Variants in FCRL5 observed in about 807,000 individuals in gnomAD.
The protein encoded by FCRL5 is Fc receptor-like protein 5.
Under a neutral mutation model 92.1 loss-of-function variants are expected in FCRL5, and 79 were observed. The observed-to-expected ratio is 0.86, with a 90% confidence interval of 0.72 to 1.03. FCRL5 has a LOEUF of 1.03. Ranked by LOEUF, FCRL5 falls within the 50% of genes least tolerant of loss-of-function variation. The probability of loss-of-function intolerance (pLI) is 0.00; values close to 1 mark genes in which losing one functional copy is unlikely to be tolerated. For missense variants in FCRL5, 1,160 were observed against 1,181.1 expected (o/e 0.98, Z 0.26); for synonymous variants, 466 against 469.3 (o/e 0.99, Z 0.09).
chr1:157,544,901 T>C lies in FCRL5; in HGVS notation c.489A>G (p.Ala163=), dbSNP rs1343366659. Residue 163 remains alanine (A), a synonymous_variant, in exon 4 of 17, where the codon GCA becomes GCG. Coordinates refer to ENST00000361835, the MANE Select transcript of FCRL5 (RefSeq NM_031281.3). Reference sequence around the variant, plus strand: ...TTTCCTTATATCCAGTACAGCGATATGCACCATTGTCCTTGAGACATGCAT... The same window carrying C: ...TTTCCTTATATCCAGTACAGCGATACGCACCATTGTCCTTGAGACATGCAT... The part of the protein sequence containing the change: ...IPHACLKDNG[A]YRCTGYKESC... The C allele has an allele frequency of 2.5e-6, 4 of 1,614,194 alleles. No individual in the cohort carries two copies. In the South Asian group the frequency reaches 3.3e-5, roughly 13 times the overall value.
chr1:157,521,239 C>A lies in FCRL5; in HGVS notation c.2293G>T (p.Val765Leu), dbSNP rs200462307. The A allele has an allele frequency of 6.2e-7, 1 of 1,614,064 alleles. No individual in the cohort carries two copies. The highest frequency in any genetic ancestry group is 2.2e-5 in the East Asian group (1 of 44,874). The change falls in exon 11 of 17, where the codon GTG becomes TTG. Residue 765 changes from valine to leucine, a missense_variant. Val to Leu is a conservative substitution (Grantham distance 32). Coordinates refer to ENST00000361835, the MANE Select transcript of FCRL5 (RefSeq NM_031281.3). ...TLRAPGTHAA[V>L]GDLLELHCEA... is the part of the protein sequence containing the mutation. ...CAGTGAAGCTCCAGCAGGTCCCCCACCGCAGCATGGGTCCCGGGAGCCCTG... is the reference window on the plus strand; with the variant it reads ...CAGTGAAGCTCCAGCAGGTCCCCCAACGCAGCATGGGTCCCGGGAGCCCTG...
chr1:157,552,139 C>A (rs527652051), intron 1 of FCRL5, among the ~76,000 whole-genome samples, 193 bp downstream of exon 1: 2 of 152,104 alleles, frequency 1.3e-5, no homozygotes, highest in East Asian at 3.9e-4. Flanking sequence ...TTGAAAATTC[C>A]TTCCAGCTGT....
At chr1:157,539,596 G>A (rs993380614) in intron 6 of FCRL5, among the ~76,000 whole-genome samples, 3 of 152,030 alleles carry the variant, frequency 2.0e-5, no homozygotes, top group Non-Finnish European at 2.9e-5. Context: ...ATTATTTGTG[G>A]GCCCCAAGAT....
In FCRL5 at chr1:157,527,783, G is replaced by A. The variant is rs1392035484; in HGVS notation, c.1794C>T (p.Tyr598=). ...GGGTGACATCCTCATGATAAAACCA[G>A]TACAGGATTGGGGGAGAGCCTCTCG... ...EAPRGSPPIL[Y]WFYHEDVTLG... Residue 598 remains tyrosine (Y), a synonymous_variant, in exon 9 of 17, where the codon TAC becomes TAT. Transcript: ENST00000361835. The A allele has an allele frequency of 1.2e-6, 2 of 1,614,172 alleles. No individual in the cohort carries two copies. The highest frequency in any genetic ancestry group is 1.7e-6 in the Non-Finnish European group (2 of 1,180,018).
Position 157,552,332 on chromosome 1 carries a change from C to G in FCRL5, c.31G>C (p.Ala11Pro). Residue 11 changes from alanine to proline, a missense_variant and splice_region_variant, in exon 1 of 17, where the codon GCT (alanine) becomes CCT (proline). Coordinates refer to ENST00000361835, the MANE Select transcript of FCRL5 (RefSeq NM_031281.3). Reference sequence around the variant, plus strand: ...GCCCATGGTGAGCCCTTTTACTCACCCAGGACCAGTAATATCACCCACAGC... The same window carrying G: ...GCCCATGGTGAGCCCTTTTACTCACGCAGGACCAGTAATATCACCCACAGC... MLLWVILLVLAPVSGQFARTP... is the reference protein window; with the variant it reads MLLWVILLVLPPVSGQFARTP... 1 of 1,614,002 alleles carries G rather than the reference C, an allele frequency of 6.2e-7. No homozygotes were observed. The highest frequency in any genetic ancestry group is 8.5e-7 in the Non-Finnish European group (1 of 1,179,966).
chr1:157,521,633 C>A, intron 10 of FCRL5: 1 of 175,334 alleles, frequency 5.7e-6, no homozygotes, highest in Non-Finnish European at 1.2e-5. Context: ...ATAGACTGAT[C>A]ATACTGATTA....
intron 7 of FCRL5, among the ~76,000 whole-genome samples, chr1:157,535,632 A>T (rs994331214): frequency 6.6e-6 from 1 of 152,242 alleles, no homozygotes; most frequent in African/African-American, 2.4e-5. Context: ...TAATGATGAT[A>T]ATGATAAATA....
Position 157,520,541 on chromosome 1 carries a change from G to C in FCRL5, c.2522C>G (p.Thr841Ser), listed in dbSNP as rs1650131471. 6.3e-7 allele frequency: 1 copy of C among 1,584,514 alleles called. No individual in the cohort carries two copies. Among genetic ancestry groups the C allele is most frequent in the Admixed American group, 1.8e-5 (1 of 56,266 alleles). Residue 841 changes from threonine to serine, a missense_variant, in exon 12 of 17, where the codon ACC (threonine) becomes AGC (serine). Transcript: ENST00000361835. ...GGCAAAAGGGCCACTTCTGTTCGCG[G>C]TCAGCCCTGAGGGGGAGACCCTGTG... ...ETVTLYITGL[T>S]ANRSGPFATG...
At chr1:157,524,196 G>A (rs982122287) in intron 10 of FCRL5, 83 bp downstream of exon 10, 4 of 1,485,856 alleles carry the variant, frequency 2.7e-6, no homozygotes, top group African/African-American at 2.8e-5. Context: ...GCCCTGAGGA[G>A]CTCTGTGGCT....
chr1:157,519,843 T>C, intron 12 of FCRL5, 73 bp from the exon 13 acceptor site: 1 of 1,497,776 alleles, frequency 6.7e-7, no homozygotes, highest in Non-Finnish European at 9.3e-7. Flanking sequence ...CAGGCAAGGC[T>C]CACTTAGAAA....
At chr1:157,528,148 T>C (rs1221125347) in intron 8 of FCRL5, 1 of 332,440 alleles carries the variant, frequency 3.0e-6, no homozygotes, top group Admixed American at 4.4e-5. Context: ...TGTACACAAA[T>C]CAGTAACACT....
At chr1:157,527,581 CTT>C in intron 9 of FCRL5, 34 bp downstream of exon 9, 1 of 1,536,422 alleles carries the variant, frequency 6.5e-7, no homozygotes, top group Non-Finnish European at 8.8e-7. Flanking sequence ...GGGAGATGGT[CTT>C]TTTATTTTTG....
At chr1:157,518,951 A>G (rs1011095408) in intron 13 of FCRL5, 169 bp from the exon 14 acceptor site, 1 of 520,036 alleles carries the variant, frequency 1.9e-6, no homozygotes, top group Admixed American at 3.6e-5. Flanking sequence ...TAATCATATT[A>G]TATATGTTTC....
At chr1:157,532,356 G>T (rs377637317) in intron 8 of FCRL5, 31 of 152,250 alleles carry the variant, frequency 2.0e-4, no homozygotes, top group African/African-American at 5.8e-4. Context: ...CATTAATGAT[G>T]AGTAACTGTT....
At chr1:157,546,421 C>G in intron 3 of FCRL5, 1 of 310,374 alleles carries the variant, frequency 3.2e-6, no homozygotes, top group Non-Finnish European at 6.3e-6. Flanking sequence ...GCACTCCAGC[C>G]TGGGTGACAG....
In FCRL5 at chr1:157,534,415, T is replaced by G. The variant is rs1191713910; in HGVS notation, c.1681+199A>C. The G allele has an allele frequency of 8.3e-6, 6 of 720,756 alleles. No individual in the cohort carries two copies. The South Asian group carries it at 8.9e-5, about 11-fold the overall frequency. 44.6% of individuals were successfully genotyped at this position (720,756 alleles called of 1,614,324 possible). A position where few individuals can be genotyped will look rare whatever the true frequency, so the allele number is the denominator to read the frequency against. On this transcript the variant is annotated intron_variant, in intron 8 of 16. Coordinates refer to ENST00000361835, the MANE Select transcript of FCRL5 (RefSeq NM_031281.3). Reference sequence around the variant, plus strand: ...AATTCATTTGGTAAAAGCTGGGGAATCTACTGAGCTGTTTTAGGGGTCTGG... The same window carrying G: ...AATTCATTTGGTAAAAGCTGGGGAAGCTACTGAGCTGTTTTAGGGGTCTGG...
chr1:157,551,182 C>A (rs1651793569), intron 1 of FCRL5, among the ~76,000 whole-genome samples: 1 of 152,066 alleles, frequency 6.6e-6, no homozygotes, highest in Admixed American at 6.6e-5. Flanking sequence ...TTTTGTAGAC[C>A]AGGAATCTGG....
chr1:157,547,039 G>T lies in FCRL5; in HGVS notation c.211C>A (p.Pro71Thr). 1 of 1,614,118 alleles carries T rather than the reference G, an allele frequency of 6.2e-7. No homozygotes were observed. Among genetic ancestry groups the T allele is most frequent in the Non-Finnish European group, 8.5e-7 (1 of 1,180,016 alleles). ...YLGKEILRET[P>T]DNILEVQESG... ...TCCTGAACCTCAAGGATATTGTCTG[G>T]GGTTTCTCTTAGTATTTCTTTCCCA... is the stretch of plus-strand genomic sequence containing the variant. The change falls in exon 3 of 17, where the codon CCA becomes ACA. Residue 71 changes from proline to threonine, a missense_variant. Physicochemically the swap from Pro to Thr is conservative, Grantham distance 38. Transcript: ENST00000361835.
intron 2 of FCRL5, among the ~76,000 whole-genome samples, chr1:157,547,794 G>A (rs969121783): frequency 6.6e-6 from 1 of 152,216 alleles, no homozygotes; most frequent in Non-Finnish European, 1.5e-5. Context: ...GACAAGGAGA[G>A]GGGTTGTAGA....
Sources: gnomAD v4.1 joint callset for allele counts (sites outside exome capture counted in the v4.1 genomes callset) on GRCh38, gnomAD v4.1.1 for gene constraint, MANE v1.5 for transcripts, NCBI Gene and HGNC (gene_info 2026-07-23, HGNC 2026-07-21) for gene names.